Variants in MRTFB observed in about 807,000 individuals in gnomAD.
The protein encoded by MRTFB is myocardin related transcription factor B.
MRTFB carries 29 observed loss-of-function variants against 104.2 expected under a neutral mutation model. The ratio of observed to expected loss-of-function variants is 0.28; its 90% CI spans 0.21 to 0.38. The LOEUF (loss-of-function observed/expected upper bound fraction) is 0.38, where lower values mean the gene tolerates loss of function less well. MRTFB is among the 10% of genes least tolerant of loss of function. The pLI is 1.00. For missense variants in MRTFB, 1,270 were observed against 1,341.6 expected (o/e 0.95, Z 0.83); for synonymous variants, 535 against 519.5 (o/e 1.03, Z -0.41).
At chr16:14,133,116 T>A (rs1028091708) in intron 2 of MRTFB, among the ~76,000 whole-genome samples, 3 of 152,192 alleles carry the variant, frequency 2.0e-5, no homozygotes, top group African/African-American at 7.2e-5. Context: ...TCTTTTCAAT[T>A]TTTACTCTAC....
chr16:14,022,704 C>T, the MRTFB span, among the ~76,000 whole-genome samples: 15 of 150,324 alleles, frequency 1.0e-4, 1 homozygote, highest in South Asian at 1.1e-3. Context: ...AAAAACATTT[C>T]GTCAGTTCAG....
chr16:14,200,989 G>T, intron 3 of MRTFB: 6 of 1,448,628 alleles, frequency 4.1e-6, no homozygotes, highest in Non-Finnish European at 3.9e-6. Context: ...GAAAGCTTAT[G>T]TGCTTTGTTA....
chr16:14,213,341 T>A lies in MRTFB; in HGVS notation c.277-204T>A, dbSNP rs372045716. On this transcript the variant is annotated intron_variant, in intron 5 of 16. Transcript: ENST00000571589. The stretch of plus-strand genomic sequence containing the variant: ...TATAAATGCTTAGTTTATACCAACA[T>A]ACTCTTCAAGTCTGTGTACAATTTT... Among the ~76,000 whole-genome samples, 3 of 152,250 alleles carry A rather than the reference T, an allele frequency of 2.0e-5. No individual in the cohort carries two copies. The East Asian group carries it at 5.8e-4, about 29-fold the overall frequency.
At chr16:14,234,355 G>C in intron 9 of MRTFB, 72 bp downstream of exon 9, 1 of 1,504,746 alleles carries the variant, frequency 6.6e-7, no homozygotes, top group Non-Finnish European at 9.0e-7. Flanking sequence ...GTGAATGGAA[G>C]ACAAAGGCAT....
At chr16:14,189,311 G>A (rs1039533791) in intron 3 of MRTFB, among the ~76,000 whole-genome samples, 4 of 152,228 alleles carry the variant, frequency 2.6e-5, no homozygotes, top group African/African-American at 4.8e-5. Context: ...ATGAACAACA[G>A]TGTTTAGCTC....
chr16:14,161,811 G>A (rs1597117965), intron 3 of MRTFB, among the ~76,000 whole-genome samples: 1 of 152,102 alleles, frequency 6.6e-6, no homozygotes, highest in South Asian at 2.1e-4. Context: ...GCACATATAT[G>A]TGGATAAAGA....
chr16:14,183,587 TTATTA>T (rs2039843193), intron 3 of MRTFB, among the ~76,000 whole-genome samples: 1 of 152,134 alleles, frequency 6.6e-6, no homozygotes, highest in African/African-American at 2.4e-5. Context: ...TTGATATTGA[TTATTA>T]TATTTTGGTT....
intron 3 of MRTFB, chr16:14,201,032 C>G: frequency 1.3e-6 from 2 of 1,505,448 alleles, no homozygotes; most frequent in Non-Finnish European, 1.8e-6. Context: ...TAAGTCTTGA[C>G]TTTGAACCTT....
At chr16:14,124,569 A>G (rs2037013812) in intron 2 of MRTFB, among the ~76,000 whole-genome samples, 1 of 150,768 alleles carries the variant, frequency 6.6e-6, no homozygotes, top group South Asian at 2.1e-4. Context: ...GATTACGTTT[A>G]TTGATTTGCA....
intron 2 of MRTFB, among the ~76,000 whole-genome samples, chr16:14,110,198 A>G (rs1034575151): frequency 3.3e-5 from 5 of 152,226 alleles, no homozygotes; most frequent in African/African-American, 1.2e-4. Flanking sequence ...GTCCTGGGGT[A>G]AAGCCAGACC....
chr16:14,236,949 A>G (rs2042543729), intron 9 of MRTFB, among the ~76,000 whole-genome samples: 1 of 152,182 alleles, frequency 6.6e-6, no homozygotes, highest in Non-Finnish European at 1.5e-5. Context: ...ATTTGTGGAC[A>G]AGTTGGATAT....
chr16:14,240,763 CA>C (rs775504071), intron 10 of MRTFB: 8 of 767,058 alleles, frequency 1.0e-5, no homozygotes, highest in Non-Finnish European at 1.9e-5. Flanking sequence ...ATTAGAACAC[CA>C]AAATAGTACT....
At chr16:14,153,030 A>G (rs2038691547) in intron 3 of MRTFB, 1 of 152,196 alleles carries the variant, frequency 6.6e-6, no homozygotes. Flanking sequence ...ACTAAAAATA[A>G]AATTCATGTT....
intron 3 of MRTFB, among the ~76,000 whole-genome samples, chr16:14,171,203 T>A (rs187651808): frequency 6.6e-6 from 1 of 152,324 alleles, no homozygotes; most frequent in East Asian, 1.9e-4. Context: ...GTATGGTACC[T>A]TTTAGTAGAG....
At chr16:14,000,143 A>G in the MRTFB span, among the ~76,000 whole-genome samples, 1 of 152,194 alleles carries the variant, frequency 6.6e-6, no homozygotes, top group Non-Finnish European at 1.5e-5. Context: ...CTGACATTTC[A>G]GGATAGAGAT....
At chr16:13,995,091 C>A in the MRTFB span, among the ~76,000 whole-genome samples, 3 of 152,126 alleles carry the variant, frequency 2.0e-5, no homozygotes, top group Non-Finnish European at 2.9e-5. Flanking sequence ...TTGTCATCCA[C>A]AAATGATTGA....
chr16:14,130,309 T>G (rs1304209278), intron 2 of MRTFB, among the ~76,000 whole-genome samples: 1 of 152,224 alleles, frequency 6.6e-6, no homozygotes, highest in African/African-American at 2.4e-5. Flanking sequence ...CTTATTTGTT[T>G]TATGCCTTTT....
rs75994852 is a variant in MRTFB, at chr16:14,169,527, A to T, written c.154+28767A>T. On this transcript the variant is annotated intron_variant, in intron 3 of 16. Coordinates refer to ENST00000571589, the MANE Select transcript of MRTFB (RefSeq NM_001308142.2). ...CCTTGATTCTAATCATTTGTCAAAT[A>T]CATGTTTTACAAATATATTCTCCTG... Among the ~76,000 whole-genome samples, 1,471 of 152,294 alleles carry T rather than the reference A, an allele frequency of 9.7e-3. 24 individuals are homozygous for T. The highest frequency in any genetic ancestry group is 0.034 in the African/African-American group (1,400 of 41,554).
the MRTFB span, among the ~76,000 whole-genome samples, chr16:14,043,518 C>T: frequency 2.0e-5 from 3 of 152,222 alleles, no homozygotes; most frequent in South Asian, 4.1e-4. Context: ...TTCCTACCCA[C>T]GCACCAAGCC....
Sources: gnomAD v4.1 joint callset for allele counts (sites outside exome capture counted in the v4.1 genomes callset) on GRCh38, gnomAD v4.1.1 for gene constraint, MANE v1.5 for transcripts, NCBI Gene and HGNC (gene_info 2026-07-23, HGNC 2026-07-21) for gene names.